The following MAP2K5 variants were observed in gnomAD, a reference collection of about 807,000 sequenced individuals.
MAP2K5 encodes the protein mitogen-activated protein kinase kinase 5.
MAP2K5 carries 49 observed loss-of-function variants against 83.1 expected under a neutral mutation model. That is an observed-to-expected ratio of 0.59 (90% CI 0.47 to 0.75). The LOEUF (loss-of-function observed/expected upper bound fraction) is 0.75. Among genes scored for constraint, MAP2K5 ranks in the 30% least tolerant of loss-of-function variants. The pLI is 0.00. For missense variants in MAP2K5, 457 were observed against 557.5 expected (o/e 0.82, Z 1.82); for synonymous variants, 202 against 191.8 (o/e 1.05, Z -0.44).
chr15:67,562,964 G>A lies in MAP2K5; in HGVS notation c.185-319G>A, dbSNP rs193196679. Among the ~76,000 whole-genome samples the A allele has an allele frequency of 7.3e-4, 111 of 152,190 alleles. No individual in the cohort carries two copies. The highest frequency in any genetic ancestry group is 1.2e-3 in the Non-Finnish European group (82 of 68,022). On this transcript the variant is annotated intron_variant, in intron 2 of 21. Transcript: ENST00000178640. This position sits in a 1 kb window ranked among gnomAD's most constrained non-coding sequence, Gnocchi z 4.1. ...AAAGTGTGGATAGTAGAACAAGACT[G>A]GCCTCTCGTTGGTTTTTAGTTCCGC... is the stretch of plus-strand genomic sequence containing the variant.
rs904177576 is a variant in MAP2K5, at chr15:67,802,041, G to T, written c.1243-4605G>T. 6.6e-6 allele frequency among the ~76,000 whole-genome samples: 1 copy of T among 152,156 alleles called. No individual in the cohort carries two copies. The highest frequency in any genetic ancestry group is 1.5e-5 in the Non-Finnish European group (1 of 68,024). The stretch of plus-strand genomic sequence containing the variant: ...AGGCAGCACCCACACACTGCGGCAG[G>T]CTCGGAGCCTCCATTCTTGCCCACA... On this transcript the variant is annotated intron_variant, in intron 21 of 21. Transcript: ENST00000178640. This position sits in a 1 kb window ranked among gnomAD's most constrained non-coding sequence, Gnocchi z 5.0.
chr15:67,586,206 G>T (rs1247781338), intron 5 of MAP2K5, among the ~76,000 whole-genome samples: 3 of 152,194 alleles, frequency 2.0e-5, no homozygotes, highest in African/African-American at 4.8e-5. Flanking sequence ...TATCTACAAA[G>T]ATTTTAGTAA....
Position 67,785,224 on chromosome 15 carries a change from T to C in MAP2K5, c.1242+12472T>C, listed in dbSNP as rs2090396280. 6.6e-6 allele frequency among the ~76,000 whole-genome samples: 1 copy of C among 152,186 alleles called. No individual in the cohort carries two copies. Among genetic ancestry groups the C allele is most frequent in the Non-Finnish European group, 1.5e-5 (1 of 68,018 alleles). Reference sequence around the variant, plus strand: ...CCTCTCAGAGTGCTGGGATTACAGGTGTGAGCCACCGTGCCCGGCCCCGAA... The same window carrying C: ...CCTCTCAGAGTGCTGGGATTACAGGCGTGAGCCACCGTGCCCGGCCCCGAA... On this transcript the variant is annotated intron_variant, in intron 21 of 21. Transcript: ENST00000178640. The surrounding 1 kb of genome is among the most constrained non-coding windows in gnomAD (Gnocchi z 4.4).
Position 67,794,264 on chromosome 15 carries a change from A to G in MAP2K5, c.1243-12382A>G, listed in dbSNP as rs952562901. ...GGAAACCACAGTAAATCAATAACAG[A>G]ATAGTTAAATACCACAGGTTCTTTG... On this transcript the variant is annotated intron_variant, in intron 21 of 21. Transcript: ENST00000178640. The surrounding 1 kb of genome is among the most constrained non-coding windows in gnomAD (Gnocchi z 4.6). Among the ~76,000 whole-genome samples, 4 of 152,232 alleles carry G rather than the reference A, an allele frequency of 2.6e-5. No individual in the cohort carries two copies. The highest frequency in any genetic ancestry group is 9.6e-5 in the African/African-American group (4 of 41,454).
chr15:67,727,814 A>G, intron 16 of MAP2K5, 102 bp from the exon 17 acceptor site: 1 of 849,042 alleles, frequency 1.2e-6, no homozygotes. Flanking sequence ...GAACTTTTTT[A>G]TATTTGCTGG....
chr15:67,727,327 A>G (rs1672853245), intron 16 of MAP2K5, among the ~76,000 whole-genome samples: 2 of 152,214 alleles, frequency 1.3e-5, no homozygotes, highest in African/African-American at 4.8e-5. Context: ...TTTACAAATC[A>G]AGTTAGATTG....
rs4776373 is a variant in MAP2K5, at chr15:67,668,185, G to A, written c.847+3540G>A. Reference sequence around the variant, plus strand: ...TAAACTATTGAATGCTAAGAATGTGGCATGTTTTTATTATAACCATGAATT... The same window carrying A: ...TAAACTATTGAATGCTAAGAATGTGACATGTTTTTATTATAACCATGAATT... On this transcript the variant is annotated intron_variant, in intron 13 of 21. Transcript: ENST00000178640. The surrounding 1 kb of genome is among the most constrained non-coding windows in gnomAD (Gnocchi z 4.0). Among the ~76,000 whole-genome samples, 36,657 of 151,966 alleles carry A rather than the reference G, an allele frequency of 0.24. 5,289 individuals carry two copies. Among genetic ancestry groups the A allele is most frequent in the East Asian group, 0.53 (2,731 of 5,170 alleles).
At chr15:67,592,353 A>G (rs1425695534) in intron 6 of MAP2K5, among the ~76,000 whole-genome samples, 1 of 152,112 alleles carries the variant, frequency 6.6e-6, no homozygotes, top group Non-Finnish European at 1.5e-5. Context: ...GTTACCCTAT[A>G]AAATTGGTAT....
At chr15:67,582,335 C>G (rs2085196443) in intron 4 of MAP2K5, among the ~76,000 whole-genome samples, 1 of 152,066 alleles carries the variant, frequency 6.6e-6, no homozygotes, top group African/African-American at 2.4e-5. Flanking sequence ...GCTGGGATTA[C>G]AGGCGTGAGC....
chr15:67,698,340 A>T lies in MAP2K5; in HGVS notation c.972+4772A>T, dbSNP rs1326633572. ...GTAGCTGGGATTACAGGCGTGCACC[A>T]CCACGCCCGGCTAATTTTTGTATTT... On this transcript the variant is annotated intron_variant, in intron 15 of 21. Transcript: ENST00000178640. This position sits in a 1 kb window ranked among gnomAD's most constrained non-coding sequence, Gnocchi z 4.5. Among the ~76,000 whole-genome samples the T allele has an allele frequency of 6.6e-6, 1 of 151,948 alleles. No homozygotes were observed. The highest frequency in any genetic ancestry group is 1.5e-5 in the Non-Finnish European group (1 of 67,974).
intron 21 of MAP2K5, among the ~76,000 whole-genome samples, chr15:67,799,461 A>G (rs1350742745): frequency 6.6e-6 from 1 of 152,274 alleles, no homozygotes; most frequent in African/African-American, 2.4e-5. Flanking sequence ...TCCGGGAGGA[A>G]GAGAGAGCAG....
At chr15:67,705,095 T>A (rs1381565621) in intron 16 of MAP2K5, among the ~76,000 whole-genome samples, 1 of 152,216 alleles carries the variant, frequency 6.6e-6, no homozygotes, top group Non-Finnish European at 1.5e-5. Context: ...TTTCCTTAGC[T>A]TTCACACAGC....
chr15:67,705,766 C>G (rs1327426992), intron 16 of MAP2K5, among the ~76,000 whole-genome samples: 1 of 151,818 alleles, frequency 6.6e-6, no homozygotes. Context: ...GCAGACTAGA[C>G]TAGTCCTCTC....
rs2084693534 is a variant in MAP2K5, at chr15:67,559,531, C to G, written c.185-3752C>G. Reference sequence around the variant, plus strand: ...TGTTATGATTCTCTTTTCCCAAACTCTGCCATTTTGTATATTTGTGACACA... The same window carrying G: ...TGTTATGATTCTCTTTTCCCAAACTGTGCCATTTTGTATATTTGTGACACA... On this transcript the variant is annotated intron_variant, in intron 2 of 21. Transcript: ENST00000178640. The surrounding 1 kb of genome is among the most constrained non-coding windows in gnomAD (Gnocchi z 4.7). 6.6e-6 allele frequency among the ~76,000 whole-genome samples: 1 copy of G among 152,182 alleles called. No homozygotes were observed. The highest frequency in any genetic ancestry group is 1.5e-5 in the Non-Finnish European group (1 of 68,034).
intron 19 of MAP2K5, among the ~76,000 whole-genome samples, chr15:67,752,157 C>T (rs976379385): frequency 3.3e-5 from 5 of 152,060 alleles, no homozygotes; most frequent in African/African-American, 1.2e-4. Flanking sequence ...CCTCTGCCTT[C>T]TGGGTTCAAG....
chr15:67,699,123 G>A (rs2088343823), intron 15 of MAP2K5, among the ~76,000 whole-genome samples: 1 of 151,524 alleles, frequency 6.6e-6, no homozygotes, highest in South Asian at 2.1e-4. Flanking sequence ...AAATATGCTA[G>A]CTAAGTTTTT....
chr15:67,718,533 G>T (rs55873788), intron 16 of MAP2K5, among the ~76,000 whole-genome samples: 15,965 of 152,070 alleles, frequency 0.1, 906 homozygotes, highest in Admixed American at 0.12. Context: ...GGAGGCTGAG[G>T]TGGGTGGATC....
At position 67,717,702 on chromosome 15, in the gene MAP2K5, T is replaced by A. The variant is rs768529960; in HGVS notation, c.1045-10214T>A. Reference sequence around the variant, plus strand: ...GTTGCAGTTGGGTAGTGGTTAAGGATGGAAGATCCAAGATGACTTCATATG... The same window carrying A: ...GTTGCAGTTGGGTAGTGGTTAAGGAAGGAAGATCCAAGATGACTTCATATG... On this transcript the variant is annotated intron_variant, in intron 16 of 21. Coordinates refer to ENST00000178640, the MANE Select transcript of MAP2K5 (RefSeq NM_145160.3). The surrounding 1 kb of genome is among the most constrained non-coding windows in gnomAD (Gnocchi z 4.1). Among the ~76,000 whole-genome samples, 26 of 152,230 alleles carry A rather than the reference T, an allele frequency of 1.7e-4. No individual in the cohort carries two copies. The highest frequency in any genetic ancestry group is 3.7e-4 in the Non-Finnish European group (25 of 68,036).
rs1042877057 is a variant in MAP2K5, at chr15:67,573,635, C to T, written c.253-7119C>T. Among the ~76,000 whole-genome samples, 2 of 151,902 alleles carry T rather than the reference C, an allele frequency of 1.3e-5. No homozygotes were observed. The highest frequency in any genetic ancestry group is 1.3e-4 in the Admixed American group (2 of 15,256). On this transcript the variant is annotated intron_variant, in intron 3 of 21. Transcript: ENST00000178640. This position sits in a 1 kb window ranked among gnomAD's most constrained non-coding sequence, Gnocchi z 4.2. Reference sequence around the variant, plus strand: ...AGGCTGCGACCTGCTGGGCCGCAGCCCCAGGAAGTCAGGCATTCTTAGTTA... The same window carrying T: ...AGGCTGCGACCTGCTGGGCCGCAGCTCCAGGAAGTCAGGCATTCTTAGTTA...
Sources: gnomAD v4.1 joint callset for allele counts (sites outside exome capture counted in the v4.1 genomes callset) on GRCh38, gnomAD v4.1.1 for gene constraint, Gnocchi (gnomAD v3.1) non-coding constraint, MANE v1.5 for transcripts, NCBI Gene and HGNC (gene_info 2026-07-23, HGNC 2026-07-21) for gene names.